The following CEP120 variants were observed in gnomAD, a reference collection of about 807,000 sequenced individuals.
CEP120 encodes the protein centrosomal protein 120, also known as centrosomal protein of 120 kDa.
In CEP120, 113 loss-of-function variants were observed where a neutral mutation model predicts 126.5. That is an observed-to-expected ratio of 0.89 (90% CI 0.77 to 1.04). The LOEUF (loss-of-function observed/expected upper bound fraction) is 1.04, where lower values mean the gene tolerates loss of function less well. Among genes scored for constraint, CEP120 ranks in the 50% least tolerant of loss-of-function variants. CEP120 has a pLI of 0.00. For missense variants in CEP120, 1,230 were observed against 1,155.7 expected, an observed-to-expected ratio of 1.06 and a Z score of -0.93; for synonymous variants, 400 against 394.3, an observed-to-expected ratio of 1.01 and a Z score of -0.17.
rs534018597 is a variant in CEP120, at chr5:123,423,243, C to A, written c.-245G>T. The A allele has an allele frequency of 1.1e-4, 59 of 529,886 alleles. No individual in the cohort carries two copies. In the South Asian group the frequency reaches 1.3e-3, roughly 12 times the overall value. 32.8% of individuals were successfully genotyped at this position (529,886 alleles called of 1,614,324 possible). ...AGGAAAAAGCCACGCTGCAGCCCTG[C>A]CAGTCTGCAAGCAGAGACAAGCCCG... On this transcript the variant is annotated 5_prime_UTR_variant, in exon 1 of 20. Transcript: ENST00000306467.
At chr5:123,383,437 G>A (rs1311226021) in intron 11 of CEP120, among the ~76,000 whole-genome samples, 1 of 152,016 alleles carries the variant, frequency 6.6e-6, no homozygotes, top group Non-Finnish European at 1.5e-5. Flanking sequence ...ATGCACACAT[G>A]CATGCTGACT....
At position 123,389,957 on chromosome 5, in the gene CEP120, G is replaced by A; in HGVS notation, c.1222C>T (p.Gln408Ter). 1.9e-6 allele frequency: 3 copies of A among 1,614,126 alleles called. No individual in the cohort carries two copies. Among genetic ancestry groups the A allele is most frequent in the Non-Finnish European group, 2.5e-6 (3 of 1,180,014 alleles). ...DATESEVESL[Q>*]YDKDTKPNPK... ...TTTGGTTTGGTGTCCTTATCATACT[G>A]TAAACTTTCCACTTCACTTTCTGTT... Residue 408 changes from glutamine (Q) to a stop codon, truncating the protein, a stop_gained, in exon 8 of 20, where the codon CAG becomes TAG. Transcript: ENST00000306467. LOFTEE classifies it high-confidence loss of function.
intron 1 of CEP120, 131 bp downstream of exon 1, chr5:123,422,819 T>A: frequency 2.2e-6 from 2 of 898,432 alleles, no homozygotes; most frequent in South Asian, 1.4e-5. Context: ...TACGTACAAC[T>A]TTGAACAAGT....
intron 6 of CEP120, 50 bp downstream of exon 6, chr5:123,393,250 A>T: frequency 6.5e-7 from 1 of 1,536,366 alleles, no homozygotes; most frequent in Non-Finnish European, 9.0e-7. Flanking sequence ...GTACTAAATT[A>T]ATGCTTAAAA....
Position 123,346,549 on chromosome 5 carries a change from C to T in CEP120, c.2931G>A (p.Glu977=), listed in dbSNP as rs779520185. 5.0e-6 allele frequency: 8 copies of T among 1,612,076 alleles called. No individual in the cohort carries two copies. In the East Asian group the frequency reaches 1.8e-4, roughly 36 times the overall value. The change falls in exon 20 of 20, where the codon GAG becomes GAA. Residue 977 remains glutamate, a synonymous_variant. Coordinates refer to ENST00000306467, the MANE Select transcript of CEP120 (RefSeq NM_001375405.1). ...TACTGGCATTGCTTTTTGCCAAAAT[C>T]TCTCTGATCTGTCGGTCGAGTTCAC... is the stretch of plus-strand genomic sequence containing the variant. The part of the protein sequence containing the change: ...IISELDRQIR[E]ILAKSNASN
At chr5:123,418,325 C>A (rs1440287638) in intron 2 of CEP120, 34 bp downstream of exon 2, 1 of 1,504,318 alleles carries the variant, frequency 6.6e-7, no homozygotes, top group Admixed American at 2.1e-5. Flanking sequence ...AAATAAGAAA[C>A]CAATAAAGAA....
intron 14 of CEP120, among the ~76,000 whole-genome samples, chr5:123,380,951 CTT>C (rs1771596762): frequency 6.6e-6 from 1 of 151,998 alleles, no homozygotes; most frequent in African/African-American, 2.4e-5. Context: ...AGAATAGAGA[CTT>C]TGAAATACTC....
rs1768737589 is a variant in CEP120 at position 123,345,398 on chromosome 5, T to A, written c.*1121A>T. 1 of 152,146 alleles carries A rather than the reference T, an allele frequency of 6.6e-6. No individual in the cohort carries two copies. Among genetic ancestry groups the A allele is most frequent in the African/African-American group, 2.4e-5 (1 of 41,436 alleles). 9.4% of individuals were successfully genotyped at this position (152,146 alleles called of 1,614,324 possible). ...TGCTTTGATGGAAGTTATTGGTAAC[T>A]TCCTAAAGTATATACTTAATTTTAA... On this transcript the variant is annotated 3_prime_UTR_variant, in exon 20 of 20. Coordinates refer to ENST00000306467, the MANE Select transcript of CEP120 (RefSeq NM_001375405.1).
chr5:123,381,255 T>C (rs760449623), intron 14 of CEP120, among the ~76,000 whole-genome samples: 3 of 152,102 alleles, frequency 2.0e-5, no homozygotes, highest in Non-Finnish European at 4.4e-5. Context: ...CTGAAGACTG[T>C]AGTAGCTCAA....
intron 15 of CEP120, among the ~76,000 whole-genome samples, chr5:123,377,767 A>T (rs1361988696): frequency 6.6e-6 from 1 of 152,160 alleles, no homozygotes; most frequent in Non-Finnish European, 1.5e-5. Context: ...GTATAAATTC[A>T]CTTGAAAACC....
chr5:123,401,022 G>A (rs1215065091), intron 4 of CEP120: 2 of 1,562,914 alleles, frequency 1.3e-6, no homozygotes. Context: ...GAAGGAGCTG[G>A]CGCCCAGGCC....
intron 18 of CEP120, among the ~76,000 whole-genome samples, chr5:123,352,024 G>A (rs1769231890): frequency 6.6e-6 from 1 of 151,920 alleles, no homozygotes; most frequent in Middle Eastern, 3.2e-3. Context: ...GTATCTCATT[G>A]TGATTTTATT....
intron 16 of CEP120, among the ~76,000 whole-genome samples, chr5:123,374,431 C>G (rs797021178): frequency 8.5e-5 from 13 of 152,176 alleles, no homozygotes; most frequent in African/African-American, 2.9e-4. Flanking sequence ...TCTCTTAGAA[C>G]AGTTTCAAAA....
Position 123,378,440 on chromosome 5 carries a change from T to TTAA in CEP120, c.2104-13_2104-12insTTA, listed in dbSNP as rs749949328. 9 of 1,063,720 alleles carry TTAA rather than the reference T, an allele frequency of 8.5e-6. No homozygotes were observed. In the African/African-American group the frequency reaches 1.4e-4, roughly 17 times the overall value. 65.9% of individuals were successfully genotyped at this position (1,063,720 alleles called of 1,614,324 possible). A position where few individuals can be genotyped will look rare whatever the true frequency, so the allele number is the denominator to read the frequency against. ...GTATATTCAGCCACCTAAAATATAGTAAAAAAAAAAAAAAAAAAGTTACCT... is the reference window on the plus strand; with the variant it reads ...GTATATTCAGCCACCTAAAATATAGTTAAAAAAAAAAAAAAAAAAAAGTTACCT... On this transcript the variant is annotated splice_polypyrimidine_tract_variant and intron_variant, in intron 14 of 19. Coordinates refer to ENST00000306467, the MANE Select transcript of CEP120 (RefSeq NM_001375405.1).
intron 1 of CEP120, among the ~76,000 whole-genome samples, chr5:123,420,305 C>G (rs542665321): frequency 6.6e-6 from 1 of 152,190 alleles, no homozygotes; most frequent in African/African-American, 2.4e-5. Context: ...CAAACAGATG[C>G]CTGCCTTGCT....
At chr5:123,353,790 A>G (rs1428386) in intron 18 of CEP120, among the ~76,000 whole-genome samples, 108,609 of 151,862 alleles carry the variant, frequency 0.72, 38,974 homozygotes, top group African/African-American at 0.75. Context: ...TTTGAGATCT[A>G]TAGTCTTGTC....
At chr5:123,415,782 G>C (rs1467661474) in intron 3 of CEP120, among the ~76,000 whole-genome samples, 1 of 151,982 alleles carries the variant, frequency 6.6e-6, no homozygotes, top group Non-Finnish European at 1.5e-5. Flanking sequence ...AAGGCAGGGA[G>C]AATTGCTTGA....
intron 18 of CEP120, among the ~76,000 whole-genome samples, chr5:123,354,032 T>G (rs541174093): frequency 1.3e-5 from 2 of 152,118 alleles, no homozygotes; most frequent in Non-Finnish European, 2.9e-5. Flanking sequence ...TTTATTGTCT[T>G]ATTTTCTAAA....
intron 17 of CEP120, among the ~76,000 whole-genome samples, chr5:123,370,677 G>GGT (rs1554101230): frequency 3.2e-5 from 3 of 94,538 alleles, no homozygotes; most frequent in African/African-American, 1.0e-4. Flanking sequence ...ATATATGTGT[G>GGT]TGTGTGTGTA....
Sources: gnomAD v4.1 joint callset for allele counts (sites outside exome capture counted in the v4.1 genomes callset) on GRCh38, gnomAD v4.1.1 for gene constraint, MANE v1.5 for transcripts, NCBI Gene and HGNC (gene_info 2026-07-23, HGNC 2026-07-21) for gene names.